The following XKR9 variants were observed in gnomAD, a reference collection of about 807,000 sequenced individuals.
XKR9 encodes the protein XK-related protein 9.
XKR9 carries 32 observed loss-of-function variants against 32.0 expected under a neutral mutation model. The observed-to-expected ratio is 1.00, with a 90% CI of 0.76 to 1.34. The LOEUF is 1.34. Ranked by LOEUF, XKR9 falls within the 40% of genes most tolerant of loss-of-function variation. The pLI, the probability that XKR9 is intolerant of heterozygous loss-of-function variation, is 0.00. For synonymous variants in XKR9, 168 were observed against 143.4 expected (o/e 1.17, Z -1.22); for missense variants, 546 against 429.7 (o/e 1.27, Z -2.39).
chr8:70,972,934 G>T, the XKR9 span, among the ~76,000 whole-genome samples: 1 of 151,986 alleles, frequency 6.6e-6, no homozygotes, highest in African/African-American at 2.4e-5. Context: ...TCTTTTGCGT[G>T]TTATGTCCTT....
chr8:70,778,425 T>C (rs1230191870), intron 2 of XKR9, among the ~76,000 whole-genome samples: 1 of 152,238 alleles, frequency 6.6e-6, no homozygotes, highest in Non-Finnish European at 1.5e-5. Context: ...GTCTTGTCTA[T>C]GTGAGCTCTT....
At chr8:70,929,156 T>G in the XKR9 span, among the ~76,000 whole-genome samples, 32 of 152,190 alleles carry the variant, frequency 2.1e-4, no homozygotes, top group Non-Finnish European at 4.3e-4. Context: ...CCAGTTCTTT[T>G]GGATCTTCCA....
At chr8:70,838,840 A>C in the XKR9 span, among the ~76,000 whole-genome samples, 1 of 152,104 alleles carries the variant, frequency 6.6e-6, no homozygotes, top group Admixed American at 6.6e-5. Flanking sequence ...CTACAAAAGT[A>C]GAAAAAACTA....
the XKR9 span, among the ~76,000 whole-genome samples, chr8:70,807,660 C>CA: frequency 6.6e-6 from 1 of 151,436 alleles, no homozygotes; most frequent in Non-Finnish European, 1.5e-5. Context: ...TAAAAAAAGA[C>CA]AAAAAACAGC....
chr8:70,859,070 C>T, the XKR9 span, among the ~76,000 whole-genome samples: 1 of 152,010 alleles, frequency 6.6e-6, no homozygotes, highest in Non-Finnish European at 1.5e-5. Context: ...AGACAACACA[C>T]AGAATGAGGT....
the XKR9 span, among the ~76,000 whole-genome samples, chr8:70,852,760 A>G: frequency 2.0e-5 from 3 of 152,200 alleles, no homozygotes; most frequent in East Asian, 5.8e-4. Context: ...AGAAAACTAA[A>G]CATCTCATGT....
At chr8:70,742,660 G>A (rs960123622) in intron 2 of XKR9, among the ~76,000 whole-genome samples, 2 of 151,802 alleles carry the variant, frequency 1.3e-5, no homozygotes, top group Non-Finnish European at 2.9e-5. Context: ...GGATATTTTT[G>A]TTGGATATAG....
At chr8:70,852,913 ATGGGTGCAGCAAACCAC>A in the XKR9 span, among the ~76,000 whole-genome samples, 1 of 146,090 alleles carries the variant, frequency 6.8e-6, no homozygotes, top group Admixed American at 6.8e-5. Context: ...TGACGGGTTG[ATGGGTGCAGCAAACCAC>A]CATGGCACAT....
the XKR9 span, among the ~76,000 whole-genome samples, chr8:70,894,045 A>G: frequency 6.6e-6 from 1 of 152,050 alleles, no homozygotes; most frequent in Admixed American, 6.5e-5. Flanking sequence ...GAAGCAAGGC[A>G]TAGCACTTGC....
chr8:71,028,847 A>G, the XKR9 span, among the ~76,000 whole-genome samples: 1 of 152,098 alleles, frequency 6.6e-6, no homozygotes, highest in Non-Finnish European at 1.5e-5. Context: ...CAGATTTGGG[A>G]CTAGCTCTTT....
chr8:71,052,470 A>G, the XKR9 span, among the ~76,000 whole-genome samples: 1 of 152,150 alleles, frequency 6.6e-6, no homozygotes, highest in Non-Finnish European at 1.5e-5. Context: ...CAGCACCCCC[A>G]GGAGGAATCC....
chr8:70,814,449 TAAAATAAA>T, the XKR9 span, among the ~76,000 whole-genome samples: 12 of 149,238 alleles, frequency 8.0e-5, no homozygotes, highest in East Asian at 2.0e-3. Flanking sequence ...ATAATAATAT[TAAAATAAA>T]AAAATAAAAA....
chr8:70,781,668 G>T (rs1465866309), intron 2 of XKR9, among the ~76,000 whole-genome samples: 6 of 151,670 alleles, frequency 4.0e-5, no homozygotes, highest in Non-Finnish European at 8.8e-5. Context: ...TGGTTTTGAT[G>T]TGCATTTCCC....
At chr8:70,771,152 C>T (rs547087957) in intron 2 of XKR9, among the ~76,000 whole-genome samples, 25 of 152,254 alleles carry the variant, frequency 1.6e-4, no homozygotes, top group African/African-American at 6.0e-4. Context: ...CAAAGCTTCC[C>T]TTGGCTAGGG....
At chr8:71,017,001 A>G in the XKR9 span, among the ~76,000 whole-genome samples, 28 of 152,318 alleles carry the variant, frequency 1.8e-4, no homozygotes, top group South Asian at 1.0e-3. Flanking sequence ...CAATTCTGAG[A>G]TAGTTTTGCA....
chr8:70,892,227 G>A, the XKR9 span, among the ~76,000 whole-genome samples: 1 of 151,996 alleles, frequency 6.6e-6, no homozygotes, highest in Non-Finnish European at 1.5e-5. Flanking sequence ...TCTTTTAATA[G>A]GGGAATTTAA....
the XKR9 span, among the ~76,000 whole-genome samples, chr8:70,886,389 C>A: frequency 6.6e-6 from 1 of 152,094 alleles, no homozygotes; most frequent in Admixed American, 6.6e-5. Context: ...GATTTATAAT[C>A]TTTGGGTGTA....
the XKR9 span, among the ~76,000 whole-genome samples, chr8:70,832,645 G>A: frequency 6.6e-6 from 1 of 152,092 alleles, no homozygotes; most frequent in Non-Finnish European, 1.5e-5. Flanking sequence ...CTCCTATTAA[G>A]CATTACAGTG....
At chr8:70,715,563 A>G (rs1806060249) in intron 4 of XKR9, among the ~76,000 whole-genome samples, 1 of 152,110 alleles carries the variant, frequency 6.6e-6, no homozygotes, top group East Asian at 1.9e-4. Flanking sequence ...TCATGTTATG[A>G]TTTCTAGAGA....
Sources: gnomAD v4.1 joint callset for allele counts (sites outside exome capture counted in the v4.1 genomes callset) on GRCh38, gnomAD v4.1.1 for gene constraint, MANE v1.5 for transcripts, NCBI Gene and HGNC (gene_info 2026-07-23, HGNC 2026-07-21) for gene names.